The following PACSIN2 variants were observed in gnomAD, a reference collection of about 807,000 sequenced individuals.
PACSIN2 encodes protein kinase C and casein kinase substrate in neurons 2.
Under a neutral mutation model 63.8 loss-of-function variants are expected in PACSIN2, and 25 were observed. The observed-to-expected ratio is 0.39, with a 90% CI of 0.29 to 0.55. The LOEUF (loss-of-function observed/expected upper bound fraction) is 0.55. Among genes scored for constraint, PACSIN2 ranks in the 20% least tolerant of loss-of-function variants. The pLI, the probability that PACSIN2 is intolerant of heterozygous loss-of-function variation, is 0.62. For missense variants in PACSIN2, 518 were observed against 646.9 expected (o/e 0.80, Z 2.16); for synonymous variants, 255 against 256.2 (o/e 1.00, Z 0.05).
intron 1 of PACSIN2, among the ~76,000 whole-genome samples, chr22:42,964,187 G>A (rs1920934751): frequency 1.3e-5 from 2 of 152,212 alleles, no homozygotes; most frequent in Admixed American, 1.3e-4. Context: ...TGGGGCCAAG[G>A]TGCGCAGATC....
chr22:42,991,827 A>C lies in PACSIN2; in HGVS notation c.-78+23194T>G, dbSNP rs1024639549. On this transcript the variant is annotated intron_variant, in intron 1 of 10. Transcript: ENST00000263246. ...TATCCACAGACAAAAAAAAAAAAAA[A>C]AAACCTTCAATTCACACACCGCAAC... is the stretch of plus-strand genomic sequence containing the variant. Among the ~76,000 whole-genome samples the C allele has an allele frequency of 9.2e-5, 14 of 152,084 alleles. No individual in the cohort carries two copies. The South Asian group carries it at 2.9e-3, about 31-fold the overall frequency.
rs1448553347 is a variant in PACSIN2 at position 42,928,210 on chromosome 22, T to C, written c.-77-16053A>G. Among the ~76,000 whole-genome samples, 4 of 152,168 alleles carry C rather than the reference T, an allele frequency of 2.6e-5. No individual in the cohort carries two copies. The East Asian group carries it at 5.8e-4, about 22-fold the overall frequency. ...CACCCGGAGAGGCATAGGAGGAAAA[T>C]GGCCCAAAGAAACACCTTGGCTAAA... On this transcript the variant is annotated intron_variant, in intron 1 of 10. Transcript: ENST00000263246.
intron 1 of PACSIN2, among the ~76,000 whole-genome samples, chr22:43,004,273 T>C (rs1923948893): frequency 6.6e-6 from 1 of 152,170 alleles, no homozygotes; most frequent in South Asian, 2.1e-4. Flanking sequence ...AAGAATTAAA[T>C]GGGCAGGAAT....
At chr22:43,010,385 C>CATATATATATATATATATATATAT (rs1253098949) in intron 1 of PACSIN2, among the ~76,000 whole-genome samples, 18 of 66,060 alleles carry the variant, frequency 2.7e-4, no homozygotes, top group East Asian at 6.5e-4. Context: ...TTTAAAAATA[C>CATATATATATATATATATATATAT]ATATATATAT....
chr22:42,950,888 A>G (rs1003910485), intron 1 of PACSIN2, among the ~76,000 whole-genome samples: 7 of 152,132 alleles, frequency 4.6e-5, no homozygotes, highest in African/African-American at 1.7e-4. Context: ...AGTAGGGGTC[A>G]GGGGATTTCA....
At chr22:42,984,397 C>A (rs1308295206) in intron 1 of PACSIN2, among the ~76,000 whole-genome samples, 1 of 152,194 alleles carries the variant, frequency 6.6e-6, no homozygotes, top group Non-Finnish European at 1.5e-5. Context: ...AATTTCCCAC[C>A]CGGAAGAAAT....
At chr22:42,990,367 G>A (rs1036309542) in intron 1 of PACSIN2, among the ~76,000 whole-genome samples, 1 of 152,104 alleles carries the variant, frequency 6.6e-6, no homozygotes, top group Middle Eastern at 3.2e-3. Context: ...GCTTGCCTAT[G>A]ATGTGCCATT....
In PACSIN2 at chr22:42,982,880, AAAAAAAAAAAC is replaced by A. The variant is rs970773490; in HGVS notation, c.-78+32130_-78+32140del. Among the ~76,000 whole-genome samples the A allele has an allele frequency of 1.5e-4, 20 of 134,068 alleles. 1 individual carries two copies. The highest frequency in any genetic ancestry group is 5.4e-4 in the African/African-American group (19 of 34,892). 88.0% of individuals were successfully genotyped at this position (134,068 alleles called of 152,430 possible). Reference sequence around the variant, plus strand: ...CAAAGAATGATCAATAAAAAAAAAAAAAAAAAAAAACAACAACAAGGCTAGGAGCAGTGGCT... The same window carrying A: ...CAAAGAATGATCAATAAAAAAAAAAAAACAACAAGGCTAGGAGCAGTGGCT... On this transcript the variant is annotated intron_variant, in intron 1 of 10. Transcript: ENST00000263246.
intron 1 of PACSIN2, among the ~76,000 whole-genome samples, chr22:42,975,878 G>T (rs1447571616): frequency 1.3e-5 from 2 of 152,068 alleles, no homozygotes; most frequent in Non-Finnish European, 2.9e-5. Flanking sequence ...TCTAAACTAG[G>T]GGTAGATGAG....
chr22:42,895,608 AATACAC>A (rs1399272881), intron 2 of PACSIN2, among the ~76,000 whole-genome samples: 3 of 152,244 alleles, frequency 2.0e-5, no homozygotes, highest in Non-Finnish European at 4.4e-5. Context: ...AGGAGCTGCA[AATACAC>A]ATTTACATGA....
chr22:42,966,539 T>C (rs937061597), intron 1 of PACSIN2, among the ~76,000 whole-genome samples: 1 of 152,226 alleles, frequency 6.6e-6, no homozygotes, highest in Non-Finnish European at 1.5e-5. Context: ...TACATAAGCT[T>C]CTTTGCTTCT....
intron 1 of PACSIN2, among the ~76,000 whole-genome samples, chr22:42,994,310 C>T (rs1923251299): frequency 6.6e-6 from 1 of 152,186 alleles, no homozygotes; most frequent in Non-Finnish European, 1.5e-5. Flanking sequence ...TCCCAAGCCC[C>T]ATGTGTCAGA....
intron 2 of PACSIN2, among the ~76,000 whole-genome samples, chr22:42,904,766 T>A (rs1930952063): frequency 6.6e-6 from 1 of 152,122 alleles, no homozygotes; most frequent in Admixed American, 6.5e-5. Flanking sequence ...CCTAGCCCCC[T>A]GCACCCGAAT....
intron 2 of PACSIN2, among the ~76,000 whole-genome samples, chr22:42,896,155 T>C (rs1156852150): frequency 2.6e-5 from 4 of 152,320 alleles, no homozygotes; most frequent in South Asian, 4.1e-4. Context: ...TGAAGTGCCT[T>C]TGTGCCCCCT....
intron 7 of PACSIN2, among the ~76,000 whole-genome samples, chr22:42,881,216 T>G (rs975230196): frequency 1.3e-5 from 2 of 152,238 alleles, no homozygotes; most frequent in African/African-American, 4.8e-5. Flanking sequence ...AACTGCAGGC[T>G]ATGAGGCGCC....
chr22:42,983,713 C>G (rs1366589338), intron 1 of PACSIN2, among the ~76,000 whole-genome samples: 1 of 152,192 alleles, frequency 6.6e-6, no homozygotes, highest in East Asian at 1.9e-4. Context: ...CCTCCCACCT[C>G]AGCCTCCTGA....
intron 1 of PACSIN2, among the ~76,000 whole-genome samples, chr22:42,930,691 T>C (rs906801315): frequency 2.0e-5 from 3 of 152,188 alleles, no homozygotes; most frequent in Non-Finnish European, 4.4e-5. Flanking sequence ...CTCAATCTGG[T>C]TTGGGTCAGT....
intron 1 of PACSIN2, among the ~76,000 whole-genome samples, chr22:42,960,998 T>C (rs1401194933): frequency 1.3e-5 from 2 of 152,152 alleles, no homozygotes; most frequent in Non-Finnish European, 1.5e-5. Flanking sequence ...AAGATACACA[T>C]GCACACTCCC....
Position 43,010,398 on chromosome 22 carries a change from A to ATATATATATATATATATATATATTTTTT in PACSIN2, c.-78+4622_-78+4623insAAAAAATATATATATATATATATATATA. Among the ~76,000 whole-genome samples the ATATATATATATATATATATATATTTTTT allele has an allele frequency of 8.2e-4, 104 of 126,372 alleles. 1 individual carries two copies. Among genetic ancestry groups the ATATATATATATATATATATATATTTTTT allele is most frequent in the Admixed American group, 1.8e-3 (21 of 11,702 alleles). 82.9% of individuals were successfully genotyped at this position (126,372 alleles called of 152,430 possible). On this transcript the variant is annotated intron_variant, in intron 1 of 10. Transcript: ENST00000263246. ...TGTTTAAAAATACATATATATATAT[A>ATATATATATATATATATATATATTTTTT]TTTTTTTTTAATTGAAAATAAAAAA... is the stretch of plus-strand genomic sequence containing the variant.
Sources: allele counts gnomAD v4.1 joint callset (sites outside exome capture counted in the v4.1 genomes callset), GRCh38; gene constraint gnomAD v4.1.1; transcripts MANE v1.5; gene names NCBI Gene and HGNC (gene_info 2026-07-23, HGNC 2026-07-21).